Variants in GNG7 observed in about 807,000 individuals in gnomAD.
GNG7 encodes the protein G protein subunit gamma 7.
A neutral mutation model predicts 4.0 loss-of-function variants in GNG7; 1 was observed. The ratio of observed to expected loss-of-function variants is 0.25; its 90% confidence interval spans 0.09 to 1.18. GNG7 has a LOEUF of 1.18. Among genes scored for constraint, GNG7 ranks in the 50% most tolerant of loss-of-function variants. The pLI, the probability that GNG7 is intolerant of heterozygous loss-of-function variation, is 0.50. For missense variants in GNG7, 86 were observed against 91.9 expected, an observed-to-expected ratio of 0.94 and a Z score of 0.26; for synonymous variants, 34 against 36.9, an observed-to-expected ratio of 0.92 and a Z score of 0.29.
In GNG7 at chr19:2,512,241, C is replaced by A. The variant is rs561768239; in HGVS notation, c.*2781G>T. 14 of 985,876 alleles carry A rather than the reference C, an allele frequency of 1.4e-5. No homozygotes were observed. Among genetic ancestry groups the A allele is most frequent in the Non-Finnish European group, 1.7e-5 (14 of 829,952 alleles). 61.1% of individuals were successfully genotyped at this position (985,876 alleles called of 1,614,324 possible). On this transcript the variant is annotated 3_prime_UTR_variant, in exon 5 of 5. Transcript: ENST00000382159. This position sits in a 1 kb window ranked among gnomAD's most constrained non-coding sequence, Gnocchi z 4.7. ...CTCCTGGAAACGCCCATAAAACATGCGTTCACCCCAGGGATTCCCGGCAGA... is the reference window on the plus strand; with the variant it reads ...CTCCTGGAAACGCCCATAAAACATGAGTTCACCCCAGGGATTCCCGGCAGA...
At chr19:2,592,814 AAGAGAG>A (rs144538545) in intron 2 of GNG7, among the ~76,000 whole-genome samples, 9 of 109,516 alleles carry the variant, frequency 8.2e-5, no homozygotes, top group East Asian at 3.1e-4. Flanking sequence ...GAAAGAAAGA[AAGAGAG>A]AGAGAGAGAG....
At chr19:2,563,478 CT>C (rs1010934059) in intron 2 of GNG7, among the ~76,000 whole-genome samples, 1 of 151,804 alleles carries the variant, frequency 6.6e-6, no homozygotes, top group African/African-American at 2.4e-5. Flanking sequence ...TGAGGTCACA[CT>C]TTTTTTTGTT....
intron 1 of GNG7, among the ~76,000 whole-genome samples, chr19:2,693,358 G>T (rs537885061): frequency 6.7e-6 from 1 of 149,470 alleles, no homozygotes; most frequent in East Asian, 2.0e-4. Context: ...GGAGGTTGCA[G>T]TGAGCCAAGA....
At chr19:2,536,782 A>G (rs1978750286) in intron 3 of GNG7, among the ~76,000 whole-genome samples, 1 of 151,768 alleles carries the variant, frequency 6.6e-6, no homozygotes, top group Non-Finnish European at 1.5e-5. Flanking sequence ...GTGCTCCACG[A>G]CACCCTAGGG....
intron 2 of GNG7, among the ~76,000 whole-genome samples, chr19:2,569,421 G>A (rs1470660689): frequency 3.3e-5 from 5 of 152,002 alleles, no homozygotes; most frequent in East Asian, 1.9e-4. Context: ...GACTACAGGC[G>A]CCCGCCACCA....
intron 2 of GNG7, among the ~76,000 whole-genome samples, chr19:2,644,335 A>G (rs1274117743): frequency 2.8e-4 from 2 of 7,118 alleles, no homozygotes; most frequent in African/African-American, 9.6e-4. Context: ...CTTTATATAT[A>G]TATATATATA....
At chr19:2,666,592 G>A (rs949956641) in intron 1 of GNG7, among the ~76,000 whole-genome samples, 6 of 152,226 alleles carry the variant, frequency 3.9e-5, no homozygotes, top group Non-Finnish European at 8.8e-5. Context: ...GATTACAAGT[G>A]TGAGCCACCT....
intron 2 of GNG7, among the ~76,000 whole-genome samples, chr19:2,568,777 TACAC>T (rs546418406): frequency 0.039 from 5,604 of 144,692 alleles, 134 homozygotes; most frequent in Middle Eastern, 0.1. Context: ...TACACATAAA[TACAC>T]ATACACACAT....
intron 3 of GNG7, among the ~76,000 whole-genome samples, chr19:2,544,230 A>C (rs1490497683): frequency 6.6e-6 from 1 of 152,144 alleles, no homozygotes; most frequent in Non-Finnish European, 1.5e-5. Flanking sequence ...AGTTTGGGAG[A>C]GAAGAGAAGG....
intron 2 of GNG7, among the ~76,000 whole-genome samples, chr19:2,563,392 C>A (rs1979806757): frequency 6.6e-6 from 1 of 152,240 alleles, no homozygotes; most frequent in Non-Finnish European, 1.5e-5. Context: ...ATGCTGGGAG[C>A]ACCCCGTAGT....
rs113195342 is a variant in GNG7, at chr19:2,672,509, C to T, written c.-134-26229G>A. Among the ~76,000 whole-genome samples, 1,491 of 150,710 alleles carry T rather than the reference C, an allele frequency of 9.9e-3. 19 individuals carry two copies. The highest frequency in any genetic ancestry group is 0.035 in the African/African-American group (1,424 of 40,974). Reference sequence around the variant, plus strand: ...TCATCCAGGCTGGAGTGCAGTGGTGCGATCTCAGCTCGCTGCAAACCCTGC... The same window carrying T: ...TCATCCAGGCTGGAGTGCAGTGGTGTGATCTCAGCTCGCTGCAAACCCTGC... On this transcript the variant is annotated intron_variant, in intron 1 of 4. Transcript: ENST00000382159.
At chr19:2,516,867 C>G (rs1972743694) in intron 4 of GNG7, 1 of 152,506 alleles carries the variant, frequency 6.6e-6, no homozygotes, top group South Asian at 2.1e-4. Context: ...CTGCTGCCAG[C>G]CCGCCCCAGG....
intron 2 of GNG7, among the ~76,000 whole-genome samples, chr19:2,624,528 CAAAAAAAA>C (rs921061279): frequency 8.8e-4 from 55 of 62,478 alleles, no homozygotes; most frequent in Non-Finnish European, 1.6e-3. Context: ...GACTCCGTCT[CAAAAAAAA>C]AAAAAAAAAA....
rs1568281172 is a variant in GNG7 at position 2,673,276 on chromosome 19, AACAAAACAAAAC to A, written c.-134-27008_-134-26997del. Among the ~76,000 whole-genome samples the A allele has an allele frequency of 2.7e-5, 4 of 149,260 alleles. 1 individual carries two copies. The highest frequency in any genetic ancestry group is 4.1e-4 in the East Asian group (2 of 4,920). ...CCATCTCAAAAAAAAAACAAAACAAAACAAAACAAAACAAAAAAAAACCCAGCAGGTCATCAA... is the reference window on the plus strand; with the variant it reads ...CCATCTCAAAAAAAAAACAAAACAAAAAAAAAAAACCCAGCAGGTCATCAA... On this transcript the variant is annotated intron_variant, in intron 1 of 4. Transcript: ENST00000382159.
At chr19:2,639,605 C>A in intron 2 of GNG7, among the ~76,000 whole-genome samples, 1 of 9,646 alleles carries the variant, frequency 1.0e-4, no homozygotes, top group Non-Finnish European at 2.2e-4. Context: ...AGGCACAGAG[C>A]TCAGCAGCAC....
At chr19:2,657,466 C>T (rs1004625519) in intron 1 of GNG7, among the ~76,000 whole-genome samples, 5 of 142,504 alleles carry the variant, frequency 3.5e-5, no homozygotes, top group Admixed American at 2.2e-4. Context: ...AACTCAAAGT[C>T]GTCTGCCAGT....
intron 3 of GNG7, among the ~76,000 whole-genome samples, chr19:2,522,327 G>A (rs1328222649): frequency 2.0e-5 from 3 of 152,132 alleles, no homozygotes; most frequent in Admixed American, 6.5e-5. Context: ...CTGGGCAGCC[G>A]CAGTCCCAGC....
chr19:2,624,253 G>C (rs941152819), intron 2 of GNG7, among the ~76,000 whole-genome samples: 1 of 152,046 alleles, frequency 6.6e-6, no homozygotes, highest in Non-Finnish European at 1.5e-5. Flanking sequence ...GAAAGGGCCG[G>C]GCGCGGTGGC....
chr19:2,544,394 A>G lies in GNG7; in HGVS notation c.-38+10755T>C, dbSNP rs1432534891. On this transcript the variant is annotated intron_variant, in intron 3 of 4. Transcript: ENST00000382159. ...TCAGCCATGAGCACCCCCGGGAGCC[A>G]TGAGGACCTCAGTGCATCTCACAGA... Among the ~76,000 whole-genome samples the G allele has an allele frequency of 3.3e-5, 5 of 152,242 alleles. No homozygotes were observed. In the South Asian group the frequency reaches 8.3e-4, roughly 25 times the overall value.
Sources: gnomAD v4.1 joint callset for allele counts (sites outside exome capture counted in the v4.1 genomes callset) on GRCh38, gnomAD v4.1.1 for gene constraint, Gnocchi (gnomAD v3.1) non-coding constraint, MANE v1.5 for transcripts, NCBI Gene and HGNC (gene_info 2026-07-23, HGNC 2026-07-21) for gene names.